Variants in MAGI2 observed in about 807,000 individuals in gnomAD.
MAGI2 encodes membrane-associated guanylate kinase, WW and PDZ domain-containing protein 2.
MAGI2 carries 35 observed loss-of-function variants against 133.3 expected under a neutral mutation model. That is an observed-to-expected ratio of 0.26 (90% CI 0.20 to 0.35). The LOEUF is 0.35. Among genes scored for constraint, MAGI2 ranks in the 10% least tolerant of loss-of-function variants. MAGI2 has a pLI of 1.00. For missense variants in MAGI2, 1,636 were observed against 1,863.4 expected (o/e 0.88, Z 2.25); for synonymous variants, 729 against 710.6 (o/e 1.03, Z -0.41).
chr7:78,489,210 C>T (rs903027244), intron 6 of MAGI2, among the ~76,000 whole-genome samples: 22 of 151,940 alleles, frequency 1.4e-4, no homozygotes, highest in Non-Finnish European at 1.9e-4. Context: ...TGCACGAAAA[C>T]GGTCTATTTT....
intron 3 of MAGI2, among the ~76,000 whole-genome samples, chr7:78,568,718 A>T (rs1173273968): frequency 1.3e-5 from 2 of 152,172 alleles, no homozygotes; most frequent in Non-Finnish European, 2.9e-5. Context: ...ACACAGAAGC[A>T]AGAGTGAGGC....
chr7:78,778,591 T>A (rs1028006238), intron 2 of MAGI2, among the ~76,000 whole-genome samples: 9 of 152,166 alleles, frequency 5.9e-5, no homozygotes, highest in Admixed American at 2.0e-4. Context: ...ATATTCCCCA[T>A]AAAGTCCAAT....
chr7:78,981,389 C>A (rs1273473239), intron 2 of MAGI2, among the ~76,000 whole-genome samples: 1 of 151,570 alleles, frequency 6.6e-6, no homozygotes, highest in African/African-American at 2.4e-5. Flanking sequence ...GTTATTATCT[C>A]TTTCTTCTGA....
At chr7:79,126,758 C>A (rs1025291732) in intron 1 of MAGI2, among the ~76,000 whole-genome samples, 2 of 151,416 alleles carry the variant, frequency 1.3e-5, no homozygotes, top group South Asian at 4.2e-4. Flanking sequence ...TTACAATGTC[C>A]CCCAGACTTT....
At chr7:78,534,560 C>G (rs534461671) in intron 3 of MAGI2, among the ~76,000 whole-genome samples, 1 of 152,350 alleles carries the variant, frequency 6.6e-6, no homozygotes, top group African/African-American at 2.4e-5. Flanking sequence ...CAGATAAGCT[C>G]TTCTTTTCTC....
At chr7:78,146,224 T>A (rs926449635) in intron 16 of MAGI2, among the ~76,000 whole-genome samples, 2 of 152,092 alleles carry the variant, frequency 1.3e-5, no homozygotes, top group Admixed American at 1.3e-4. Context: ...GTTATTCATA[T>A]CTGTTTTAGA....
intron 1 of MAGI2, among the ~76,000 whole-genome samples, chr7:79,257,221 A>C (rs982481886): frequency 3.9e-5 from 6 of 152,154 alleles, no homozygotes; most frequent in African/African-American, 1.4e-4. Flanking sequence ...TCAATACATA[A>C]ATTATTCATA....
intron 2 of MAGI2, among the ~76,000 whole-genome samples, chr7:78,928,605 T>C (rs1185225159): frequency 6.6e-6 from 1 of 152,054 alleles, no homozygotes; most frequent in Non-Finnish European, 1.5e-5. Flanking sequence ...AGCAAGCCAA[T>C]TAAATAGAAG....
intron 1 of MAGI2, among the ~76,000 whole-genome samples, chr7:79,443,603 C>A (rs1348085042): frequency 6.6e-6 from 1 of 152,004 alleles, no homozygotes; most frequent in Non-Finnish European, 1.5e-5. Context: ...CTCATATAAG[C>A]AAAAATACTC....
chr7:78,877,863 G>C (rs1795548798), intron 2 of MAGI2, among the ~76,000 whole-genome samples: 1 of 152,060 alleles, frequency 6.6e-6, no homozygotes, highest in Non-Finnish European at 1.5e-5. Flanking sequence ...TAGCTTTTTT[G>C]AGCTGACTTG....
chr7:78,901,827 G>T (rs1159637695), intron 2 of MAGI2, among the ~76,000 whole-genome samples: 2 of 152,128 alleles, frequency 1.3e-5, no homozygotes, highest in Non-Finnish European at 2.9e-5. Flanking sequence ...TTCTTTGACA[G>T]AAAAATATGT....
chr7:79,002,135 T>TTC (rs1491130974), intron 2 of MAGI2, among the ~76,000 whole-genome samples: 19 of 23,302 alleles, frequency 8.2e-4, no homozygotes, highest in South Asian at 7.3e-3. Flanking sequence ...CTTCTTCTTC[T>TTC]TTTTTTTTTT....
At chr7:78,597,498 A>G (rs1157960228) in intron 3 of MAGI2, among the ~76,000 whole-genome samples, 1 of 151,894 alleles carries the variant, frequency 6.6e-6, no homozygotes, top group Non-Finnish European at 1.5e-5. Context: ...GCAGAAAGCT[A>G]AAAATTCTAG....
At chr7:78,318,895 C>T (rs939586653) in intron 9 of MAGI2, among the ~76,000 whole-genome samples, 2 of 152,114 alleles carry the variant, frequency 1.3e-5, no homozygotes, top group Non-Finnish European at 2.9e-5. Flanking sequence ...GAAATAAAAT[C>T]CGTTACAGAC....
At chr7:78,993,299 A>G (rs1805971010) in intron 2 of MAGI2, among the ~76,000 whole-genome samples, 1 of 152,128 alleles carries the variant, frequency 6.6e-6, no homozygotes, top group Admixed American at 6.6e-5. Context: ...ATAAAATCTG[A>G]TAACAATTAT....
intron 1 of MAGI2, among the ~76,000 whole-genome samples, chr7:79,171,770 A>ATATATATATTTTTTTTTTTTTT: frequency 3.8e-4 from 12 of 31,222 alleles, no homozygotes; most frequent in Non-Finnish European, 7.8e-4. Flanking sequence ...ATATATATAT[A>ATATATATATTTTTTTTTTTTTT]TTTTTTTTTT....
At chr7:78,450,649 GCTTA>G (rs895141699) in intron 6 of MAGI2, among the ~76,000 whole-genome samples, 8 of 135,362 alleles carry the variant, frequency 5.9e-5, no homozygotes, top group African/African-American at 2.2e-4. Flanking sequence ...CATCTTCTCT[GCTTA>G]CTTTTTTTTC....
intron 2 of MAGI2, among the ~76,000 whole-genome samples, chr7:78,798,216 T>C (rs141318945): frequency 6.6e-6 from 1 of 152,286 alleles, no homozygotes; most frequent in Admixed American, 6.5e-5. Flanking sequence ...GAAAACTATG[T>C]ATTTCTATGA....
intron 6 of MAGI2, among the ~76,000 whole-genome samples, chr7:78,448,924 T>C (rs1303307119): frequency 3.3e-5 from 5 of 151,934 alleles, no homozygotes; most frequent in Non-Finnish European, 4.4e-5. Flanking sequence ...CAGTGTCTCG[T>C]AGAGCGAAAT....
Sources: allele counts gnomAD v4.1 joint callset (sites outside exome capture counted in the v4.1 genomes callset), GRCh38; gene constraint gnomAD v4.1.1; transcripts MANE v1.5; gene names NCBI Gene and HGNC (gene_info 2026-07-23, HGNC 2026-07-21).